The following ZNF827 variants were observed in gnomAD, a reference collection of about 807,000 sequenced individuals.
ZNF827 encodes zinc finger protein 827.
In ZNF827, 13 loss-of-function variants were observed where a neutral mutation model predicts 102.4. The observed-to-expected ratio is 0.13, with a 90% confidence interval of 0.08 to 0.20. The LOEUF (loss-of-function observed/expected upper bound fraction) is 0.20. Ranked by LOEUF, ZNF827 falls within the 10% of genes least tolerant of loss-of-function variation. The probability of loss-of-function intolerance (pLI) is 1.00; values close to 1 mark genes in which losing one functional copy is unlikely to be tolerated. For synonymous variants in ZNF827, 523 were observed against 536.2 expected (o/e 0.98, Z 0.34); for missense variants, 1,103 against 1,344.4 (o/e 0.82, Z 2.81).
chr4:145,938,732 C>A lies in ZNF827; in HGVS notation c.-325G>T. ...TGTGAGTGTGTGTGTGTCCTATGCTCGCGTGTGTGATGGGAGGTATAAATA... is the reference window on the plus strand; with the variant it reads ...TGTGAGTGTGTGTGTGTCCTATGCTAGCGTGTGTGATGGGAGGTATAAATA... On this transcript the variant is annotated 5_prime_UTR_variant, in exon 1 of 15. Transcript: ENST00000508784. 3.3e-6 allele frequency: 1 copy of A among 301,966 alleles called. No individual in the cohort carries two copies. Among genetic ancestry groups the A allele is most frequent in the Non-Finnish European group, 6.2e-6 (1 of 161,638 alleles). 18.7% of individuals were successfully genotyped at this position (301,966 alleles called of 1,614,324 possible). A position where few individuals can be genotyped will look rare whatever the true frequency, so the allele number is the denominator to read the frequency against.
intron 8 of ZNF827, among the ~76,000 whole-genome samples, chr4:145,804,034 T>A (rs559547135): frequency 3.3e-4 from 51 of 152,360 alleles, no homozygotes; most frequent in Non-Finnish European, 6.3e-4. Flanking sequence ...ATTTTTTAAC[T>A]CTAAAGTCTC....
intron 1 of ZNF827, 78 bp from the exon 2 acceptor site, chr4:145,903,293 T>C: frequency 1.3e-6 from 2 of 1,500,866 alleles, no homozygotes; most frequent in Admixed American, 4.3e-5. Context: ...ATGGAGGTGA[T>C]GACATGCTTT....
intron 4 of ZNF827, among the ~76,000 whole-genome samples, chr4:145,884,783 A>G (rs559955190): frequency 2.6e-5 from 4 of 152,334 alleles, no homozygotes; most frequent in East Asian, 3.9e-4. Flanking sequence ...ATGTCAACTA[A>G]TAAGAATACA....
chr4:145,760,736 TTGTC>T lies in ZNF827; in HGVS notation c.*876_*879del. ...AGTTTTGTGGTTTTTTTTTTTTTTT[TTGTC>T]TTTTGTCTCTCTGTTTTTGGTACAG... On this transcript the variant is annotated 3_prime_UTR_variant, in exon 15 of 15. Transcript: ENST00000508784. 1.0e-6 allele frequency: 1 copy of T among 982,834 alleles called. No homozygotes were observed. The highest frequency in any genetic ancestry group is 1.2e-6 in the Non-Finnish European group (1 of 815,904). The allele number at this position is 982,834 out of a possible 1,614,324, so 60.9% of individuals were successfully genotyped here.
intron 1 of ZNF827, among the ~76,000 whole-genome samples, chr4:145,918,359 A>C (rs961537018): frequency 2.5e-5 from 3 of 122,256 alleles, no homozygotes; most frequent in African/African-American, 3.4e-5. Flanking sequence ...AAAAAAAAAA[A>C]CTGGCTACAG....
At chr4:145,764,042 G>C (rs1039485161) in intron 13 of ZNF827, among the ~76,000 whole-genome samples, 28 of 152,160 alleles carry the variant, frequency 1.8e-4, no homozygotes, top group African/African-American at 6.5e-4. Context: ...GGGGAGTCAT[G>C]CCACCTCTCT....
In ZNF827 at chr4:145,761,693, C is replaced by A; in HGVS notation, c.*18-95G>T. The A allele has an allele frequency of 1.3e-6, 1 of 787,750 alleles. No individual in the cohort carries two copies. 48.8% of individuals were successfully genotyped at this position (787,750 alleles called of 1,614,324 possible). The stretch of plus-strand genomic sequence containing the variant: ...TCACCAGCCTTCCCTCACACCACCC[C>A]CCAGTGTCTGAGGCCTGGCCTGCCC... On this transcript the variant is annotated intron_variant, in intron 14 of 14. Transcript: ENST00000508784. The surrounding 1 kb of genome is among the most constrained non-coding windows in gnomAD (Gnocchi z 6.8).
rs1036242237 is a variant in ZNF827 at position 145,798,616 on chromosome 4, G to T, written c.2384-19105C>A. Among the ~76,000 whole-genome samples, 3 of 152,294 alleles carry T rather than the reference G, an allele frequency of 2.0e-5. No individual in the cohort carries two copies. In the East Asian group the frequency reaches 5.8e-4, roughly 29 times the overall value. ...CGGGAGATGGAGGTTGCAGTGAGCC[G>T]AGATCATGCCATTGCACTCCAGCCG... On this transcript the variant is annotated intron_variant, in intron 8 of 14. Transcript: ENST00000508784.
rs948368050 is a variant in ZNF827, at chr4:145,768,740, C to T, written c.2861-3002G>A. On this transcript the variant is annotated intron_variant, in intron 11 of 14. Transcript: ENST00000508784. ...AGGTGTGGTGGCATATGCCTGTAAT[C>T]CCAGCTACTTGGGAGGGTGAGGCAG... 2.0e-5 allele frequency among the ~76,000 whole-genome samples: 3 copies of T among 148,170 alleles called. No individual in the cohort carries two copies. In the South Asian group the frequency reaches 6.6e-4, roughly 32 times the overall value.
Position 145,765,620 on chromosome 4 carries a change from C to T in ZNF827, c.2979G>A (p.Gly993=). 2.5e-6 allele frequency: 4 copies of T among 1,614,090 alleles called. No individual in the cohort carries two copies. Among genetic ancestry groups the T allele is most frequent in the Non-Finnish European group, 3.4e-6 (4 of 1,180,018 alleles). The change falls in exon 12 of 15, where the codon GGG becomes GGA. Residue 993 remains glycine (G), a synonymous_variant. Coordinates refer to ENST00000508784, the MANE Select transcript of ZNF827 (RefSeq NM_001306215.2). This position sits in a 1 kb window ranked among gnomAD's most constrained non-coding sequence, Gnocchi z 4.7. ...DSDGSQKNKG[G]NNLLVISVMP... Reference sequence around the variant, plus strand: ...TGACAGAGATGACCAGCAGATTGTTCCCGCCCTTGTTTTTCTGGGAGCCAT... The same window carrying T: ...TGACAGAGATGACCAGCAGATTGTTTCCGCCCTTGTTTTTCTGGGAGCCAT...
intron 1 of ZNF827, among the ~76,000 whole-genome samples, chr4:145,936,467 G>GA (rs1055099829): frequency 1.3e-5 from 2 of 152,054 alleles, no homozygotes; most frequent in Non-Finnish European, 2.9e-5. Context: ...AAAGGAAGGG[G>GA]AAAAAAGCAC....
intron 8 of ZNF827, among the ~76,000 whole-genome samples, chr4:145,809,319 C>G (rs900916484): frequency 6.6e-5 from 10 of 152,258 alleles, no homozygotes; most frequent in African/African-American, 2.2e-4. Context: ...AGAAGTCCAG[C>G]ATGGCTGACT....
chr4:145,833,438 C>A (rs946521274), intron 7 of ZNF827, among the ~76,000 whole-genome samples: 1 of 152,134 alleles, frequency 6.6e-6, no homozygotes, highest in African/African-American at 2.4e-5. Context: ...CGCAGGGACG[C>A]CTGCCTTAGT....
intron 1 of ZNF827, among the ~76,000 whole-genome samples, chr4:145,904,440 T>G (rs928825551): frequency 1.3e-5 from 2 of 151,906 alleles, no homozygotes; most frequent in Non-Finnish European, 2.9e-5. Flanking sequence ...GAGTAATGGG[T>G]GGGAAGAGAG....
chr4:145,918,667 AGGAAGCCTG>A (rs1460368265), intron 1 of ZNF827, among the ~76,000 whole-genome samples: 18 of 152,172 alleles, frequency 1.2e-4, no homozygotes, highest in African/African-American at 3.6e-4. Context: ...CCACACATAG[AGGAAGCCTG>A]GGGCTCTCGG....
chr4:145,780,648 T>C (rs1737836780), intron 8 of ZNF827, among the ~76,000 whole-genome samples: 1 of 152,200 alleles, frequency 6.6e-6, no homozygotes, highest in South Asian at 2.1e-4. Flanking sequence ...CCTCCTATGA[T>C]AATGTCATAA....
chr4:145,902,837 T>C lies in ZNF827; in HGVS notation c.422A>G (p.Asn141Ser). The C allele has an allele frequency of 2.5e-6, 4 of 1,614,116 alleles. No individual in the cohort carries two copies. Among genetic ancestry groups the C allele is most frequent in the Non-Finnish European group, 3.4e-6 (4 of 1,180,000 alleles). ...SLKLDAAATA[N>S]GRVESPVNVG... is the part of the protein sequence containing the mutation. ...GTTTACGGGGGACTCCACTCTGCCATTAGCCGTGGCTGCAGCATCGAGTTT... is the reference window on the plus strand; with the variant it reads ...GTTTACGGGGGACTCCACTCTGCCACTAGCCGTGGCTGCAGCATCGAGTTT... The change falls in exon 2 of 15, where the codon AAT (asparagine) becomes AGT (serine). Residue 141 changes from asparagine to serine, a missense_variant. Asn to Ser is a conservative substitution (Grantham distance 46). Around this residue, in one of 5 missense-constraint regions of ZNF827, gnomAD observed 441 missense variants for 458.6 expected, o/e 0.96. Coordinates refer to ENST00000508784, the MANE Select transcript of ZNF827 (RefSeq NM_001306215.2). This position sits in a 1 kb window ranked among gnomAD's most constrained non-coding sequence, Gnocchi z 4.3.
chr4:145,874,370 T>G (rs1180432259), intron 4 of ZNF827, among the ~76,000 whole-genome samples: 1 of 152,214 alleles, frequency 6.6e-6, no homozygotes, highest in African/African-American at 2.4e-5. Context: ...GAAGAGCATA[T>G]GGAAATCACT....
intron 5 of ZNF827, among the ~76,000 whole-genome samples, chr4:145,853,955 TA>T (rs564693282): frequency 3.3e-4 from 47 of 144,610 alleles, no homozygotes; most frequent in East Asian, 4.0e-4. Context: ...ACAGAGCAAT[TA>T]AAAAAAAAAG....
Sources: allele counts gnomAD v4.1 joint callset (sites outside exome capture counted in the v4.1 genomes callset), GRCh38; gene constraint gnomAD v4.1.1; regional missense constraint gnomAD v4.1.1; non-coding constraint Gnocchi (gnomAD v3.1); transcripts MANE v1.5; gene names NCBI Gene and HGNC (gene_info 2026-07-23, HGNC 2026-07-21).